ZBTB20: variants seen among roughly 807,000 people sequenced by gnomAD.
ZBTB20 encodes zinc finger and BTB domain containing 20.
ZBTB20 carries 9 observed loss-of-function variants against 56.9 expected under a neutral mutation model. That is an observed-to-expected ratio of 0.16 (90% CI 0.10 to 0.28). The LOEUF is 0.28. Among genes scored for constraint, ZBTB20 ranks in the 10% least tolerant of loss-of-function variants. The pLI, the probability that ZBTB20 is intolerant of heterozygous loss-of-function variation, is 1.00. For synonymous variants in ZBTB20, 417 were observed against 420.7 expected, an observed-to-expected ratio of 0.99 and a Z score of 0.11; for missense variants, 655 against 1,003.0, an observed-to-expected ratio of 0.65 and a Z score of 4.69.
At chr3:114,932,596 T>A (rs1304016961) in intron 3 of ZBTB20, among the ~76,000 whole-genome samples, 1 of 152,216 alleles carries the variant, frequency 6.6e-6, no homozygotes, top group African/African-American at 2.4e-5. Flanking sequence ...TTCTTAGAAA[T>A]ACTTTCAGTT....
intron 4 of ZBTB20, among the ~76,000 whole-genome samples, chr3:114,833,030 A>G (rs2073937303): frequency 6.6e-6 from 1 of 152,202 alleles, no homozygotes; most frequent in Admixed American, 6.6e-5. Context: ...TTCAGTAAAA[A>G]GAATAAGAGC....
intron 7 of ZBTB20, among the ~76,000 whole-genome samples, chr3:114,420,465 C>T (rs1257775516): frequency 3.3e-5 from 5 of 152,062 alleles, no homozygotes; most frequent in East Asian, 3.9e-4. Flanking sequence ...TGGAGCTGAA[C>T]GAATAAAAAG....
intron 4 of ZBTB20, among the ~76,000 whole-genome samples, chr3:114,817,192 TACACACACACAC>T (rs56294507): frequency 3.0e-4 from 44 of 145,810 alleles, no homozygotes; most frequent in East Asian, 1.2e-3. Context: ...ATACAACTTA[TACACACACACAC>T]ACACACACAC....
At chr3:114,908,911 T>G (rs1022715197) in intron 3 of ZBTB20, among the ~76,000 whole-genome samples, 3 of 151,802 alleles carry the variant, frequency 2.0e-5, no homozygotes, top group Non-Finnish European at 4.4e-5. Flanking sequence ...ATAGAAGATA[T>G]TTTTTAAAAA....
chr3:115,121,897 G>C (rs1053911579), intron 1 of ZBTB20, among the ~76,000 whole-genome samples: 2 of 151,824 alleles, frequency 1.3e-5, no homozygotes, highest in East Asian at 3.9e-4. Context: ...GTGTTTTTCT[G>C]TACTTGAGAA....
At chr3:114,873,729 C>G (rs1351846658) in intron 4 of ZBTB20, among the ~76,000 whole-genome samples, 1 of 152,080 alleles carries the variant, frequency 6.6e-6, no homozygotes, top group Non-Finnish European at 1.5e-5. Flanking sequence ...AAACCATGTT[C>G]CCATGAAGCT....
At chr3:114,774,467 T>C (rs2069442576) in intron 5 of ZBTB20, among the ~76,000 whole-genome samples, 1 of 152,168 alleles carries the variant, frequency 6.6e-6, no homozygotes, top group South Asian at 2.1e-4. Context: ...TGTACACACA[T>C]TCCTTTCTTT....
chr3:114,582,925 G>C (rs542312260), intron 6 of ZBTB20, among the ~76,000 whole-genome samples: 13 of 152,306 alleles, frequency 8.5e-5, no homozygotes, highest in Admixed American at 3.3e-4. Context: ...TTCCTTAAGT[G>C]AGTGACCAGA....
At chr3:114,645,881 CCAAA>C (rs2059807335) in intron 6 of ZBTB20, among the ~76,000 whole-genome samples, 1 of 151,868 alleles carries the variant, frequency 6.6e-6, no homozygotes. Flanking sequence ...TAGTTTTTTG[CCAAA>C]CAAATTATGT....
At chr3:114,437,508 A>C (rs1299236733) in intron 7 of ZBTB20, among the ~76,000 whole-genome samples, 2 of 152,116 alleles carry the variant, frequency 1.3e-5, no homozygotes, top group African/African-American at 4.8e-5. Context: ...GAAGAGGTAG[A>C]AGAAATTAAC....
intron 11 of ZBTB20, among the ~76,000 whole-genome samples, chr3:114,349,230 T>A (rs1243782932): frequency 5.4e-5 from 8 of 149,522 alleles, no homozygotes; most frequent in African/African-American, 2.0e-4. Flanking sequence ...GAATTTCAAA[T>A]ATAATGATCA....
rs991962946 is a variant in ZBTB20, at chr3:114,322,775, T to A, written c.*16230A>T. 1.3e-5 allele frequency: 2 copies of A among 151,884 alleles called. No homozygotes were observed. The highest frequency in any genetic ancestry group is 4.8e-5 in the African/African-American group (2 of 41,314). 9.4% of individuals were successfully genotyped at this position (151,884 alleles called of 1,614,324 possible). On this transcript the variant is annotated 3_prime_UTR_variant, in exon 12 of 12. Coordinates refer to ENST00000675478, the MANE Select transcript of ZBTB20 (RefSeq NM_001348800.3). ...CTAGTTTGGATGGCTCTAAATGGAG[T>A]TTTTCTGACTAACAAGGCTGACAAC... is the stretch of plus-strand genomic sequence containing the variant.
At chr3:114,590,827 G>A (rs1300791695) in intron 6 of ZBTB20, among the ~76,000 whole-genome samples, 7 of 152,126 alleles carry the variant, frequency 4.6e-5, no homozygotes, top group Admixed American at 4.6e-4. Flanking sequence ...TTCCCTTCTC[G>A]CTGACACATG....
intron 7 of ZBTB20, among the ~76,000 whole-genome samples, chr3:114,446,559 A>C (rs921961142): frequency 2.0e-5 from 3 of 152,176 alleles, no homozygotes; most frequent in Non-Finnish European, 2.9e-5. Context: ...AAAGAATAAA[A>C]ATCATCGAAT....
intron 6 of ZBTB20, among the ~76,000 whole-genome samples, chr3:114,545,769 A>C (rs576775335): frequency 2.6e-5 from 4 of 152,184 alleles, no homozygotes; most frequent in Non-Finnish European, 5.9e-5. Context: ...AACCATCTTC[A>C]TAAAACAGTT....
chr3:114,930,093 TAAAC>T (rs572805198), intron 3 of ZBTB20, among the ~76,000 whole-genome samples: 67 of 152,172 alleles, frequency 4.4e-4, no homozygotes, highest in African/African-American at 1.3e-3. Context: ...GCCTTCCATT[TAAAC>T]AAACAAACAA....
rs1560053124 is a variant in ZBTB20, at chr3:114,320,683, G to T, written c.*18322C>A. The T allele has an allele frequency of 6.6e-6, 1 of 151,496 alleles. No homozygotes were observed. 9.4% of individuals were successfully genotyped at this position (151,496 alleles called of 1,614,324 possible). On this transcript the variant is annotated 3_prime_UTR_variant, in exon 12 of 12. Coordinates refer to ENST00000675478, the MANE Select transcript of ZBTB20 (RefSeq NM_001348800.3). The stretch of plus-strand genomic sequence containing the variant: ...GAACAAATTTGTTTTTATATTTTTG[G>T]TCTACAGTAGAATTACATATTAATA...
chr3:114,562,693 G>A (rs1298933029), intron 6 of ZBTB20, among the ~76,000 whole-genome samples: 3 of 152,228 alleles, frequency 2.0e-5, no homozygotes, highest in East Asian at 1.9e-4. Context: ...GAGAGATAAC[G>A]TGACTGTTCC....
At chr3:114,775,988 T>C (rs1194772752) in intron 5 of ZBTB20, among the ~76,000 whole-genome samples, 1 of 151,892 alleles carries the variant, frequency 6.6e-6, no homozygotes, top group East Asian at 1.9e-4. Flanking sequence ...CTGTAAAATC[T>C]TGATGCCTGG....
Sources: gnomAD v4.1 joint callset for allele counts (sites outside exome capture counted in the v4.1 genomes callset) on GRCh38, gnomAD v4.1.1 for gene constraint, MANE v1.5 for transcripts, NCBI Gene and HGNC (gene_info 2026-07-23, HGNC 2026-07-21) for gene names.